Variants in ARMCX5 observed in about 807,000 individuals in gnomAD.
The protein encoded by ARMCX5 is armadillo repeat containing X-linked 5, also known as armadillo repeat-containing X-linked protein 5.
In ARMCX5, 1 loss-of-function variant was observed where a neutral mutation model predicts 7.5. The observed-to-expected ratio is 0.13, with a 90% confidence interval of 0.05 to 0.63. The LOEUF (loss-of-function observed/expected upper bound fraction) is 0.63. Among genes scored for constraint, ARMCX5 ranks in the 30% least tolerant of loss-of-function variants. ARMCX5 has a pLI of 0.86. For missense variants in ARMCX5, 346 were observed against 402.2 expected (o/e 0.86, Z 1.19); for synonymous variants, 149 against 145.7 (o/e 1.02, Z -0.16).
chrX:102,603,907 A>G lies in ARMCX5; in HGVS notation c.*89A>G, dbSNP rs1327151414. The G allele has an allele frequency of 1.3e-5, 8 of 596,183 alleles. No individual in the cohort carries two copies. The Admixed American group carries it at 1.4e-4, about 11-fold the overall frequency. 49.1% of individuals were successfully genotyped at this position (596,183 alleles called of 1,213,427 possible). A position where few individuals can be genotyped will look rare whatever the true frequency, so the allele number is the denominator to read the frequency against. On this transcript the variant is annotated 3_prime_UTR_variant, in exon 4 of 4. Coordinates refer to ENST00000473968, the MANE Select transcript of ARMCX5 (RefSeq NM_001168478.2). ...TATTGTAATTATAAATTCAATACTT[A>G]TGTTTTCCATGTTGATTGAGGGAGG...
intron 1 of ARMCX5, chrX:102,600,296 C>T (rs1008571835): frequency 1.8e-5 from 2 of 110,555 alleles, no homozygotes. Context: ...GTGTATCACG[C>T]GTTTTTATGT....
chrX:102,602,801 G>C lies in ARMCX5; in HGVS notation c.660G>C (p.Lys220Asn). ...THKPTLTIKQKVIAWSRARYI... is the reference protein window; with the variant it reads ...THKPTLTIKQNVIAWSRARYI... Reference sequence around the variant, plus strand: ...AACCCACACTTACTATAAAACAAAAGGTAATAGCATGGTCAAGGGCCAGGT... The same window carrying C: ...AACCCACACTTACTATAAAACAAAACGTAATAGCATGGTCAAGGGCCAGGT... The change falls in exon 4 of 4, where the codon AAG (lysine) becomes AAC (asparagine). Residue 220 changes from lysine (K) to asparagine (N), a missense_variant. By Grantham distance (94) the Lys-to-Asn change is moderately conservative. Around this residue, in one of 3 missense-constraint regions of ARMCX5, gnomAD observed 204 missense variants for 244.3 expected, o/e 0.83. Coordinates refer to ENST00000473968, the MANE Select transcript of ARMCX5 (RefSeq NM_001168478.2). The C allele has an allele frequency of 8.3e-7, 1 of 1,210,940 alleles. No homozygotes were observed. The highest frequency in any genetic ancestry group is 1.1e-6 in the Non-Finnish European group (1 of 895,084).
chrX:102,601,364 A>T (rs1602492652), intron 2 of ARMCX5, 100 bp from the exon 3 acceptor site: 1 of 111,753 alleles, frequency 8.9e-6, no homozygotes, highest in Non-Finnish European at 1.9e-5. Context: ...GGAGGGAAAC[A>T]CTAGACAAAA....
At position 102,603,545 on chromosome X, in the gene ARMCX5, A is replaced by G; in HGVS notation, c.1404A>G (p.Glu468=). The change falls in exon 4 of 4, where the codon GAA becomes GAG. Residue 468 remains glutamate (E), a synonymous_variant. Coordinates refer to ENST00000473968, the MANE Select transcript of ARMCX5 (RefSeq NM_001168478.2). ...CTAAAAATCACGCCAATACAAGAGA[A>G]TTGATCAGTGCCAAAGTACTGTCAT... The part of the protein sequence containing the change: ...CLSKNHANTR[E]LISAKVLSSL... The G allele has an allele frequency of 1.7e-6, 2 of 1,207,039 alleles. No homozygotes were observed. Among genetic ancestry groups the G allele is most frequent in the Non-Finnish European group, 2.2e-6 (2 of 891,097 alleles).
chrX:102,599,850 C>T lies in ARMCX5; in HGVS notation c.-422+3C>T, dbSNP rs1221141098. 9.5e-6 allele frequency: 1 copy of T among 104,770 alleles called. No individual in the cohort carries two copies. The highest frequency in any genetic ancestry group is 1.9e-5 in the Non-Finnish European group (1 of 51,567). The allele number at this position is 104,770 out of a possible 1,213,427, so 8.6% of individuals were successfully genotyped here. On this transcript the variant is annotated splice_donor_region_variant and intron_variant, in intron 1 of 3. Transcript: ENST00000473968. ...TGCCTCTGATCCAAGCAGAGAAGGT[C>T]AGTGAGAAGGTGCGCATCGCTTGGG...
In ARMCX5 at chrX:102,602,252, G is replaced by C. The variant is rs777165273; in HGVS notation, c.111G>C (p.Glu37Asp). ...TARVNGKTQA[E>D]AVAEAELKTE... ...GAGTGAATGGTAAAACCCAGGCCGA[G>C]GCAGTGGCTGAGGCAGAACTGAAAA... Residue 37 changes from glutamate to aspartate, a missense_variant, in exon 4 of 4, where the codon GAG (glutamate) becomes GAC (aspartate). Glu to Asp is a conservative substitution (Grantham distance 45). Transcript: ENST00000473968. The C allele has an allele frequency of 3.6e-5, 44 of 1,211,649 alleles. No homozygotes were observed. Among genetic ancestry groups the C allele is most frequent in the Non-Finnish European group, 4.8e-5 (43 of 895,356 alleles).
rs2081060496 is a variant in ARMCX5, at chrX:102,602,952, C to T, written c.811C>T (p.His271Tyr). 1 of 1,209,058 alleles carries T rather than the reference C, an allele frequency of 8.3e-7. No homozygotes were observed. The highest frequency in any genetic ancestry group is 3.0e-5 in the East Asian group (1 of 33,724). Reference sequence around the variant, plus strand: ...ACCTTTGACCAAGATCCCACCTTATCATGGGCCTTATTACCAGACCTTAGC... The same window carrying T: ...ACCTTTGACCAAGATCCCACCTTATTATGGGCCTTATTACCAGACCTTAGC... ...IRPLTKIPPY[H>Y]GPYYQTLAEI... The change falls in exon 4 of 4, where the codon CAT becomes TAT. Residue 271 changes from histidine (H) to tyrosine (Y), a missense_variant. Physicochemically the swap from His to Tyr is moderately conservative, Grantham distance 83. Coordinates refer to ENST00000473968, the MANE Select transcript of ARMCX5 (RefSeq NM_001168478.2).
chrX:102,603,307 G>T lies in ARMCX5; in HGVS notation c.1166G>T (p.Gly389Val). The T allele has an allele frequency of 8.3e-7, 1 of 1,210,701 alleles. No individual in the cohort carries two copies. The highest frequency in any genetic ancestry group is 1.7e-5 in the African/African-American group (1 of 57,624). ...SSESSEEPKS[G>V]ESYIHQVCKG... is the part of the protein sequence containing the mutation. ...GAGTCTTCCGAAGAACCAAAATCAG[G>T]GGAGTCATATATACATCAAGTTTGT... The change falls in exon 4 of 4, where the codon GGG becomes GTG. Residue 389 changes from glycine to valine, a missense_variant. By Grantham distance (109) the Gly-to-Val change is moderately radical (BLOSUM62 -3). Transcript: ENST00000473968.
At position 102,602,074 on chromosome X, in the gene ARMCX5, G is replaced by A. The variant is rs1207039123; in HGVS notation, c.-68G>A. ...GGACTTTGTGTGAAAACACCAACCGGGACAAAACTTCAGTCAAGGCTGAGA... is the reference window on the plus strand; with the variant it reads ...GGACTTTGTGTGAAAACACCAACCGAGACAAAACTTCAGTCAAGGCTGAGA... On this transcript the variant is annotated 5_prime_UTR_variant, in exon 4 of 4. Coordinates refer to ENST00000473968, the MANE Select transcript of ARMCX5 (RefSeq NM_001168478.2). The A allele has an allele frequency of 1.2e-5, 12 of 978,911 alleles. No homozygotes were observed. The South Asian group carries it at 2.5e-4, about 20-fold the overall frequency. The allele number at this position is 978,911 out of a possible 1,213,427, so 80.7% of individuals were successfully genotyped here.
rs761553267 is a variant in ARMCX5 at position 102,603,300 on chromosome X, A to C, written c.1159A>C (p.Lys387Gln). 3 of 1,211,088 alleles carry C rather than the reference A, an allele frequency of 2.5e-6. No individual in the cohort carries two copies. The East Asian group carries it at 8.9e-5, about 36-fold the overall frequency. Residue 387 changes from lysine (K) to glutamine (Q), a missense_variant, in exon 4 of 4, where the codon AAA (lysine) becomes CAA (glutamine). Physicochemically the swap from Lys to Gln is moderately conservative, Grantham distance 53. This residue lies in a region of ARMCX5 where 139 missense variants were observed against 141.1 expected (regional missense o/e 0.99). Coordinates refer to ENST00000473968, the MANE Select transcript of ARMCX5 (RefSeq NM_001168478.2). The part of the protein sequence containing the change: ...DDSSESSEEP[K>Q]SGESYIHQVC... ...CAGCTCTGAGTCTTCCGAAGAACCAAAATCAGGGGAGTCATATATACATCA... is the reference window on the plus strand; with the variant it reads ...CAGCTCTGAGTCTTCCGAAGAACCACAATCAGGGGAGTCATATATACATCA...
Position 102,602,738 on chromosome X carries a change from C to T in ARMCX5, c.597C>T (p.Pro199=). ...EEETSLQVYK[P]LPKIQEKPKP... ...AGACCTCTCTTCAAGTTTATAAGCC[C>T]CTACCTAAGATCCAGGAAAAGCCCA... The change falls in exon 4 of 4, where the codon CCC becomes CCT. Residue 199 remains proline, a synonymous_variant. Transcript: ENST00000473968. 1 of 1,210,026 alleles carries T rather than the reference C, an allele frequency of 8.3e-7. No individual in the cohort carries two copies. Among genetic ancestry groups the T allele is most frequent in the Non-Finnish European group, 1.1e-6 (1 of 894,316 alleles).
rs1242648351 is a variant in ARMCX5 at position 102,601,945 on chromosome X, G to A, written c.-197G>A. 2.3e-6 allele frequency: 1 copy of A among 440,676 alleles called. No individual in the cohort carries two copies. Among genetic ancestry groups the A allele is most frequent in the Non-Finnish European group, 3.9e-6 (1 of 253,720 alleles). 36.3% of individuals were successfully genotyped at this position (440,676 alleles called of 1,213,427 possible). On this transcript the variant is annotated 5_prime_UTR_variant, in exon 4 of 4. Transcript: ENST00000473968. ...GAAGACCACCACCCTCCACAGGGCT[G>A]GGCCCATGCACAGCCATCCTTCCCT...
Position 102,603,494 on chromosome X carries a change from T to C in ARMCX5, c.1353T>C (p.Tyr451=). 8.3e-7 allele frequency: 1 copy of C among 1,210,119 alleles called. No homozygotes were observed. The highest frequency in any genetic ancestry group is 1.1e-6 in the Non-Finnish European group (1 of 893,993). ...LNKGSVKTKF[Y]VLKVFSCLSK... ...AGGGAAGTGTCAAAACCAAGTTTTATGTTTTAAAAGTGTTTTCGTGTTTGT... is the reference window on the plus strand; with the variant it reads ...AGGGAAGTGTCAAAACCAAGTTTTACGTTTTAAAAGTGTTTTCGTGTTTGT... The change falls in exon 4 of 4, where the codon TAT becomes TAC. Residue 451 remains tyrosine (Y), a synonymous_variant. Coordinates refer to ENST00000473968, the MANE Select transcript of ARMCX5 (RefSeq NM_001168478.2).
chrX:102,603,788 T>G lies in ARMCX5; in HGVS notation c.1647T>G (p.Asp549Glu), dbSNP rs899863542. ...AGCACAGTGATCCCGAAGTGAGAGA[T>G]AAAGTCATACGATTAATACTAAAAC... Reference protein sequence around the residue: ...LAEHSDPEVRDKVIRLILKL With the variant: ...LAEHSDPEVREKVIRLILKL Residue 549 changes from aspartate to glutamate, a missense_variant, in exon 4 of 4, where the codon GAT (aspartate) becomes GAG (glutamate). Transcript: ENST00000473968. The G allele has an allele frequency of 5.1e-6, 6 of 1,181,637 alleles. No homozygotes were observed. The highest frequency in any genetic ancestry group is 5.7e-6 in the Non-Finnish European group (5 of 880,898).
At position 102,603,905 on chromosome X, in the gene ARMCX5, T is replaced by G. The variant is rs781759483; in HGVS notation, c.*87T>G. 5.9e-4 allele frequency: 363 copies of G among 619,945 alleles called. No individual in the cohort carries two copies. Among genetic ancestry groups the G allele is most frequent in the Non-Finnish European group, 8.1e-4 (327 of 404,692 alleles). 51.1% of individuals were successfully genotyped at this position (619,945 alleles called of 1,213,427 possible). The stretch of plus-strand genomic sequence containing the variant: ...CATATTGTAATTATAAATTCAATAC[T>G]TATGTTTTCCATGTTGATTGAGGGA... On this transcript the variant is annotated 3_prime_UTR_variant, in exon 4 of 4. Coordinates refer to ENST00000473968, the MANE Select transcript of ARMCX5 (RefSeq NM_001168478.2).
rs147081834 is a variant in ARMCX5 at position 102,602,167 on chromosome X, G to A, written c.26G>A (p.Arg9Lys). Residue 9 changes from arginine to lysine, a missense_variant, in exon 4 of 4, where the codon AGG (arginine) becomes AAG (lysine). Around this residue, in one of 3 missense-constraint regions of ARMCX5, gnomAD observed 204 missense variants for 244.3 expected, o/e 0.83. Coordinates refer to ENST00000473968, the MANE Select transcript of ARMCX5 (RefSeq NM_001168478.2). MVDSGTEA[R>K]ARGKAEAGLQ... ...ATGGTTGACTCTGGGACAGAAGCAA[G>A]GGCTAGAGGAAAGGCTGAGGCTGGC... The A allele has an allele frequency of 1.6e-3, 1,982 of 1,205,789 alleles. 2 individuals carry two copies. Among genetic ancestry groups the A allele is most frequent in the Non-Finnish European group, 2.1e-3 (1,878 of 892,729 alleles).
rs751112777 is a variant in ARMCX5 at position 102,602,546 on chromosome X, G to T, written c.405G>T (p.Arg135Ser). ...KVVAVIEANI[R>S]SYAKSHDKAN... is the part of the protein sequence containing the mutation. ...TTGCTGTCATTGAGGCAAATATTAG[G>T]TCCTATGCCAAGTCACATGATAAGG... Residue 135 changes from arginine (R) to serine (S), a missense_variant, in exon 4 of 4, where the codon AGG becomes AGT. Physicochemically the swap from Arg to Ser is moderately radical, Grantham distance 110 (BLOSUM62 -1). Around this residue, in one of 3 missense-constraint regions of ARMCX5, gnomAD observed 204 missense variants for 244.3 expected, o/e 0.83. Coordinates refer to ENST00000473968, the MANE Select transcript of ARMCX5 (RefSeq NM_001168478.2). The T allele has an allele frequency of 1.3e-5, 16 of 1,209,629 alleles. No individual in the cohort carries two copies. The highest frequency in any genetic ancestry group is 4.6e-4 in the Middle Eastern group (2 of 4,375).
At position 102,603,563 on chromosome X, in the gene ARMCX5, A is replaced by G; in HGVS notation, c.1422A>G (p.Val474=). The change falls in exon 4 of 4, where the codon GTA becomes GTG. Residue 474 remains valine, a synonymous_variant. Coordinates refer to ENST00000473968, the MANE Select transcript of ARMCX5 (RefSeq NM_001168478.2). ...ANTRELISAK[V]LSSLVAPFNK... ...CAAGAGAATTGATCAGTGCCAAAGT[A>G]CTGTCATCATTGGTTGCACCCTTTA... is the stretch of plus-strand genomic sequence containing the variant. 8.3e-7 allele frequency: 1 copy of G among 1,201,101 alleles called. No individual in the cohort carries two copies. Among genetic ancestry groups the G allele is most frequent in the Non-Finnish European group, 1.1e-6 (1 of 885,908 alleles).
chrX:102,600,188 T>A, intron 1 of ARMCX5: 1 of 107,905 alleles, frequency 9.3e-6, no homozygotes, highest in Non-Finnish European at 1.9e-5. Flanking sequence ...TGTTTGATAA[T>A]CAAGGCTCTG....
Sources: allele counts gnomAD v4.1 joint callset, GRCh38; gene constraint gnomAD v4.1.1; regional missense constraint gnomAD v4.1.1; transcripts MANE v1.5; gene names NCBI Gene and HGNC (gene_info 2026-07-23, HGNC 2026-07-21).